TFG: variants seen among roughly 807,000 people sequenced by gnomAD.
The protein encoded by TFG is trafficking from ER to golgi regulator.
In TFG, 22 loss-of-function variants were observed where a neutral mutation model predicts 51.4. That is an observed-to-expected ratio of 0.43 (90% CI 0.31 to 0.61). The LOEUF (loss-of-function observed/expected upper bound fraction) is 0.61, where lower values mean the gene tolerates loss of function less well. Ranked by LOEUF, TFG falls within the 20% of genes least tolerant of loss-of-function variation. The probability of loss-of-function intolerance (pLI) is 0.12; values close to 1 mark genes in which losing one functional copy is unlikely to be tolerated. For missense variants in TFG, 419 were observed against 487.7 expected, an observed-to-expected ratio of 0.86 and a Z score of 1.33; for synonymous variants, 187 against 165.6, an observed-to-expected ratio of 1.13 and a Z score of -0.99.
At chr3:100,742,074 C>CTA (rs1160166202) in intron 6 of TFG, among the ~76,000 whole-genome samples, 1 of 152,104 alleles carries the variant, frequency 6.6e-6, no homozygotes. Flanking sequence ...TTCATATATC[C>CTA]TATAGATCTC....
At chr3:100,711,681 C>G (rs2095031776) in intron 1 of TFG, among the ~76,000 whole-genome samples, 1 of 152,202 alleles carries the variant, frequency 6.6e-6, no homozygotes, top group African/African-American at 2.4e-5. Context: ...ATAGTACCAG[C>G]TCACTGAAGC....
intron 3 of TFG, among the ~76,000 whole-genome samples, chr3:100,728,153 G>A (rs1280895745): frequency 1.3e-5 from 2 of 151,934 alleles, no homozygotes; most frequent in Non-Finnish European, 2.9e-5. Context: ...TTTTTTTAAC[G>A]ATTTCTTTTA....
intron 5 of TFG, among the ~76,000 whole-genome samples, chr3:100,733,230 A>T (rs544974355): frequency 3.3e-5 from 5 of 152,206 alleles, no homozygotes; most frequent in African/African-American, 1.2e-4. Context: ...TCGGATTCTA[A>T]TAACACATAC....
At chr3:100,725,560 C>T (rs918476949) in intron 3 of TFG, among the ~76,000 whole-genome samples, 2 of 143,656 alleles carry the variant, frequency 1.4e-5, no homozygotes, top group Non-Finnish European at 3.0e-5. Context: ...GGGCAGATCA[C>T]GAGGTCAGGA....
intron 3 of TFG, among the ~76,000 whole-genome samples, chr3:100,722,419 A>G (rs9843956): frequency 0.63 from 95,514 of 151,976 alleles, 30,566 homozygotes; most frequent in South Asian, 0.83. Context: ...GAATATTTCT[A>G]TTCAGAGTTT....
rs57230594 is a variant in TFG at position 100,745,012 on chromosome 3, TTGTAG to T, written c.820+83_820+87del. ...AACTTTAAGTTCTTAATTCCTTGAT[TTGTAG>T]TACATTGATATAATAGGTATTAAGT... On this transcript the variant is annotated intron_variant, in intron 7 of 7. Coordinates refer to ENST00000240851, the MANE Select transcript of TFG (RefSeq NM_006070.6). 8.2e-3 allele frequency: 5,809 copies of T among 708,194 alleles called. 250 individuals carry two copies. The African/African-American group carries it at 0.091, about 11-fold the overall frequency. 43.9% of individuals were successfully genotyped at this position (708,194 alleles called of 1,614,324 possible).
intron 1 of TFG, among the ~76,000 whole-genome samples, chr3:100,713,328 A>G (rs1354551061): frequency 6.6e-6 from 1 of 152,220 alleles, no homozygotes; most frequent in Non-Finnish European, 1.5e-5. Context: ...GAAGGAAGAT[A>G]AAGAAGCCTC....
At chr3:100,711,083 T>TA (rs1308730243) in intron 1 of TFG, 1 of 151,132 alleles carries the variant, frequency 6.6e-6, no homozygotes, top group African/African-American at 2.4e-5. Context: ...ACACGGCAGA[T>TA]AGAAAGTATA....
intron 2 of TFG, 150 bp downstream of exon 2, chr3:100,714,019 T>G (rs1274295713): frequency 9.1e-6 from 4 of 441,006 alleles, no homozygotes; most frequent in Non-Finnish European, 1.6e-5. Flanking sequence ...TGCCTCGGCC[T>G]CCCAAAGTGC....
intron 2 of TFG, among the ~76,000 whole-genome samples, chr3:100,716,063 G>GTTAGAA (rs1165529049): frequency 6.6e-6 from 1 of 152,018 alleles, no homozygotes; most frequent in East Asian, 1.9e-4. Flanking sequence ...ATTTCTTTGG[G>GTTAGAA]TTAGAAACAT....
intron 7 of TFG, 33 bp from the exon 8 acceptor site, chr3:100,748,116 A>G: frequency 6.3e-7 from 1 of 1,588,258 alleles, no homozygotes; most frequent in South Asian, 1.1e-5. Context: ...TTACTAAAAG[A>G]TAAGATACAT....
At position 100,732,566 on chromosome 3, in the gene TFG, T is replaced by C. The variant is rs2095094645; in HGVS notation, c.474T>C (p.Thr158=). ...SASDSSGKQS[T]QVMAASMSAF... ...CTGATTCTTCTGGAAAACAGTCTAC[T>C]CAGGTTATGGCAGCAAGTATGTCTG... The change falls in exon 5 of 8, where the codon ACT becomes ACC. Residue 158 remains threonine, a synonymous_variant. Transcript: ENST00000240851. The C allele has an allele frequency of 1.2e-6, 2 of 1,612,936 alleles. No individual in the cohort carries two copies. The highest frequency in any genetic ancestry group is 3.3e-5 in the Admixed American group (2 of 59,896).
At position 100,714,240 on chromosome 3, in the gene TFG, C is replaced by T. The variant is rs1317726294; in HGVS notation, c.184+371C>T. On this transcript the variant is annotated intron_variant, in intron 2 of 7. Coordinates refer to ENST00000240851, the MANE Select transcript of TFG (RefSeq NM_006070.6). ...TGGGGCCGGGCGCAGCAGCTCATGC[C>T]TGTAATCCCAGCACTTTGGGAGACC... Among the ~76,000 whole-genome samples the T allele has an allele frequency of 2.0e-5, 3 of 152,118 alleles. No individual in the cohort carries two copies. The South Asian group carries it at 6.2e-4, about 32-fold the overall frequency.
At chr3:100,743,214 C>A (rs1179042972) in intron 6 of TFG, 1 of 152,102 alleles carries the variant, frequency 6.6e-6, no homozygotes, top group Non-Finnish European at 1.5e-5. Flanking sequence ...ATAAGGAATA[C>A]TAATATGGTT....
At chr3:100,735,282 G>A (rs1280589375) in intron 5 of TFG, among the ~76,000 whole-genome samples, 3 of 152,112 alleles carry the variant, frequency 2.0e-5, no homozygotes, top group Non-Finnish European at 4.4e-5. Context: ...CTAATACTGT[G>A]GTAAGTTCTG....
intron 6 of TFG, chr3:100,744,586 G>A: frequency 3.1e-6 from 1 of 325,472 alleles, no homozygotes; most frequent in Admixed American, 4.9e-5. Context: ...TTATGAAATG[G>A]TAGCCACTGG....
At chr3:100,727,475 A>G (rs1191739324) in intron 3 of TFG, among the ~76,000 whole-genome samples, 1 of 152,224 alleles carries the variant, frequency 6.6e-6, no homozygotes, top group African/African-American at 2.4e-5. Flanking sequence ...TTTTCTAATT[A>G]GGTGCTTCAG....
chr3:100,714,173 C>T (rs560023297), intron 2 of TFG, among the ~76,000 whole-genome samples: 4 of 152,186 alleles, frequency 2.6e-5, no homozygotes, highest in Admixed American at 1.3e-4. Context: ...TGTGATGTTC[C>T]TATAGTTACT....
intron 6 of TFG, among the ~76,000 whole-genome samples, chr3:100,740,673 A>G (rs762673065): frequency 6.6e-6 from 1 of 152,158 alleles, no homozygotes; most frequent in African/African-American, 2.4e-5. Context: ...AATGCTATAC[A>G]TGTGCAGAAG....
Sources: allele counts gnomAD v4.1 joint callset (sites outside exome capture counted in the v4.1 genomes callset), GRCh38; gene constraint gnomAD v4.1.1; transcripts MANE v1.5; gene names NCBI Gene and HGNC (gene_info 2026-07-23, HGNC 2026-07-21).